NOTCH3: variants seen among roughly 807,000 people sequenced by gnomAD.
NOTCH3 encodes the protein notch receptor 3.
Under a neutral mutation model 213.3 loss-of-function variants are expected in NOTCH3, and 86 were observed. That is an observed-to-expected ratio of 0.40 (90% CI 0.34 to 0.48). The LOEUF is 0.48. Ranked by LOEUF, NOTCH3 falls within the 20% of genes least tolerant of loss-of-function variation. The pLI, the probability that NOTCH3 is intolerant of heterozygous loss-of-function variation, is 0.57. For missense variants in NOTCH3, 2,783 were observed against 3,272.6 expected (o/e 0.85, Z 3.65); for synonymous variants, 1,354 against 1,355.9 (o/e 1.00, Z 0.03).
In NOTCH3 at chr19:15,181,784, C is replaced by T. The variant is rs1490985215; in HGVS notation, c.2584G>A (p.Gly862Ser). Reference sequence around the variant, plus strand: ...GAGCCCACGCCGTCTTGGCACGAGCCACCGTTCAGGCATGGGTCTGCGGAC... The same window carrying T: ...GAGCCCACGCCGTCTTGGCACGAGCTACCGTTCAGGCATGGGTCTGCGGAC... ...DCDPNPCLNG[G>S]SCQDGVGSFS... The change falls in exon 17 of 33, where the codon GGC (glycine) becomes AGC (serine). Residue 862 changes from glycine (G) to serine (S), a missense_variant. This residue lies in a region of NOTCH3 where 861 missense variants were observed against 909.1 expected (regional missense o/e 0.95). Transcript: ENST00000263388. 2.6e-6 allele frequency: 4 copies of T among 1,561,096 alleles called. No individual in the cohort carries two copies. Among genetic ancestry groups the T allele is most frequent in the South Asian group, 2.4e-5 (2 of 84,780 alleles).
At position 15,161,384 on chromosome 19, in the gene NOTCH3, T is replaced by C; in HGVS notation, c.6244A>G (p.Lys2082Glu). ...LGPQGPRGRGKKLTLACPGPL... is the reference protein window; with the variant it reads ...LGPQGPRGRGEKLTLACPGPL... Reference sequence around the variant, plus strand: ...CCCGGGCAGGCCAGCGTCAGCTTCTTGCCCCGCCCCCGGGGCCCCTGCGGC... The same window carrying C: ...CCCGGGCAGGCCAGCGTCAGCTTCTCGCCCCGCCCCCGGGGCCCCTGCGGC... The change falls in exon 33 of 33, where the codon AAG (lysine) becomes GAG (glutamate). Residue 2082 changes from lysine (K) to glutamate (E), a missense_variant. Physicochemically the swap from Lys to Glu is moderately conservative, Grantham distance 56 (BLOSUM62 1). This residue lies in a region of NOTCH3 where 441 missense variants were observed against 432.1 expected (regional missense o/e 1.02). Coordinates refer to ENST00000263388, the MANE Select transcript of NOTCH3 (RefSeq NM_000435.3). 2 of 1,524,784 alleles carry C rather than the reference T, an allele frequency of 1.3e-6. No individual in the cohort carries two copies. Among genetic ancestry groups the C allele is most frequent in the Non-Finnish European group, 1.8e-6 (2 of 1,137,380 alleles). 94.5% of individuals were successfully genotyped at this position (1,524,784 alleles called of 1,614,324 possible). A position where few individuals can be genotyped will look rare whatever the true frequency, so the allele number is the denominator to read the frequency against.
chr19:15,183,381 C>T (rs1423069655), intron 16 of NOTCH3, among the ~76,000 whole-genome samples: 2 of 55,886 alleles, frequency 3.6e-5, no homozygotes, highest in Admixed American at 1.5e-4. Flanking sequence ...TGGCAGCACC[C>T]CTTTTTGTTT....
At chr19:15,186,652 G>A (rs1156756279) in intron 12 of NOTCH3, among the ~76,000 whole-genome samples, 1 of 152,192 alleles carries the variant, frequency 6.6e-6, no homozygotes, top group Non-Finnish European at 1.5e-5. Flanking sequence ...TGATCCACTT[G>A]CCTTGGCCTC....
At chr19:15,171,761 C>T (rs1470651783) in intron 25 of NOTCH3, among the ~76,000 whole-genome samples, 1 of 152,234 alleles carries the variant, frequency 6.6e-6, no homozygotes, top group African/African-American at 2.4e-5. Flanking sequence ...ACCTCCGACT[C>T]CCTGGTTCAA....
rs888087865 is a variant in NOTCH3, at chr19:15,170,235, T to C, written c.5115-65A>G. Reference sequence around the variant, plus strand: ...AGAGGTGTCCAGCTGGGAAGGAGGATTTGGGGTGGGGTCAGAGGTCTGAGT... The same window carrying C: ...AGAGGTGTCCAGCTGGGAAGGAGGACTTGGGGTGGGGTCAGAGGTCTGAGT... On this transcript the variant is annotated intron_variant, in intron 27 of 32. Coordinates refer to ENST00000263388, the MANE Select transcript of NOTCH3 (RefSeq NM_000435.3). 36 of 1,501,690 alleles carry C rather than the reference T, an allele frequency of 2.4e-5. No homozygotes were observed. The African/African-American group carries it at 4.7e-4, about 20-fold the overall frequency. The allele number at this position is 1,501,690 out of a possible 1,614,324, so 93.0% of individuals were successfully genotyped here.
In NOTCH3 at chr19:15,177,647, T is replaced by C. The variant is rs1451207981; in HGVS notation, c.4281A>G (p.Gln1427=). 6 of 1,565,702 alleles carry C rather than the reference T, an allele frequency of 3.8e-6. No individual in the cohort carries two copies. The highest frequency in any genetic ancestry group is 5.2e-6 in the Non-Finnish European group (6 of 1,161,902). The stretch of plus-strand genomic sequence containing the variant: ...GGCGCCAGCACTGCAGCGCCTCGCA[T>C]TGCCGCCAGGGGTCGCCCACGCTCA... ...CSLSVGDPWR[Q]CEALQCWRLF... The change falls in exon 24 of 33, where the codon CAA becomes CAG. Residue 1427 remains glutamine (Q), a synonymous_variant. Transcript: ENST00000263388.
chr19:15,182,985 G>T (rs1350031840), intron 16 of NOTCH3, among the ~76,000 whole-genome samples: 1 of 152,122 alleles, frequency 6.6e-6, no homozygotes, highest in African/African-American at 2.4e-5. Context: ...TATTAAATTT[G>T]GTCAGGCACA....
chr19:15,187,867 T>C lies in NOTCH3; in HGVS notation c.1606+14A>G, dbSNP rs1041526285. ...CCTCCTGATTCTTGTCGGACTGTCA[T>C]TGGCCCGCCTCACCCTCGGCACAGC... On this transcript the variant is annotated intron_variant, in intron 10 of 32. Coordinates refer to ENST00000263388, the MANE Select transcript of NOTCH3 (RefSeq NM_000435.3). 19 of 1,544,212 alleles carry C rather than the reference T, an allele frequency of 1.2e-5. No homozygotes were observed. The highest frequency in any genetic ancestry group is 7.3e-5 in the East Asian group (3 of 40,892).
chr19:15,180,591 T>A (rs2046830979), intron 19 of NOTCH3, 90 bp downstream of exon 19: 1 of 1,438,462 alleles, frequency 7.0e-7, no homozygotes, highest in South Asian at 1.2e-5. Context: ...ATAGGCTCTG[T>A]GGCACCCCCA....
chr19:15,190,413 G>A (rs527387142), intron 6 of NOTCH3, among the ~76,000 whole-genome samples: 4 of 152,010 alleles, frequency 2.6e-5, no homozygotes, highest in African/African-American at 9.7e-5. Context: ...CTATATCCAC[G>A]TTCCCCTCCT....
Position 15,184,037 on chromosome 19 carries a change from C to CAAAA in NOTCH3, c.2566+254_2566+257dup, listed in dbSNP as rs34518539. Among the ~76,000 whole-genome samples, 12 of 27,622 alleles carry CAAAA rather than the reference C, an allele frequency of 4.3e-4. 1 individual carries two copies. Among genetic ancestry groups the CAAAA allele is most frequent in the Non-Finnish European group, 6.6e-4 (8 of 12,084 alleles). The allele number at this position is 27,622 out of a possible 152,430, so 18.1% of individuals were successfully genotyped here. A position where few individuals can be genotyped will look rare whatever the true frequency, so the allele number is the denominator to read the frequency against. ...CAGCGACAGAGCTAAGACTCTGTCT[C>CAAAA]AAAAAAAAAAAAAAAAAAAAAAAAA... is the stretch of plus-strand genomic sequence containing the variant. On this transcript the variant is annotated intron_variant, in intron 16 of 32. Transcript: ENST00000263388.
rs2145424435 is a variant in NOTCH3, at chr19:15,181,766, C to T, written c.2602G>A (p.Val868Met). The change falls in exon 17 of 33, where the codon GTG becomes ATG. Residue 868 changes from valine (V) to methionine (M), a missense_variant. Val to Met is a conservative substitution (Grantham distance 21, BLOSUM62 1). Coordinates refer to ENST00000263388, the MANE Select transcript of NOTCH3 (RefSeq NM_000435.3). ...CLNGGSCQDGVGSFSCSCLPG... is the reference protein window; with the variant it reads ...CLNGGSCQDGMGSFSCSCLPG... The stretch of plus-strand genomic sequence containing the variant: ...AGGCAGGAGCAGGAAAAGGAGCCCA[C>T]GCCGTCTTGGCACGAGCCACCGTTC... The T allele has an allele frequency of 1.3e-6, 2 of 1,568,558 alleles. No individual in the cohort carries two copies. The highest frequency in any genetic ancestry group is 1.7e-6 in the Non-Finnish European group (2 of 1,156,352).
rs1170162607 is a variant in NOTCH3, at chr19:15,178,100, G to C, written c.3838-10C>G. On this transcript the variant is annotated splice_polypyrimidine_tract_variant and intron_variant, in intron 23 of 32. Transcript: ENST00000263388. ...GCGGACCCCAGAACGGCTGGGGGTC[G>C]GGTTTGGGGAGGGAGGGATAAAAAT... The C allele has an allele frequency of 2.6e-6, 4 of 1,514,772 alleles. No homozygotes were observed. The South Asian group carries it at 4.8e-5, about 18-fold the overall frequency. The allele number at this position is 1,514,772 out of a possible 1,614,324, so 93.8% of individuals were successfully genotyped here. A position where few individuals can be genotyped will look rare whatever the true frequency, so the allele number is the denominator to read the frequency against.
intron 1 of NOTCH3, 97 bp from the exon 2 acceptor site, chr19:15,197,675 T>C: frequency 1.0e-6 from 1 of 979,512 alleles, no homozygotes; most frequent in Non-Finnish European, 1.5e-6. Flanking sequence ...AGGCAACAGC[T>C]GCATGGGGAT....
intron 2 of NOTCH3, 56 bp downstream of exon 2, chr19:15,197,444 C>CCAA: frequency 1.5e-6 from 1 of 662,100 alleles, no homozygotes; most frequent in Non-Finnish European, 2.8e-6. Flanking sequence ...ACAAATCGCC[C>CCAA]CTCCCCCCCG....
At position 15,174,384 on chromosome 19, in the gene NOTCH3, ACTT is replaced by A; in HGVS notation, c.4417_4419del (p.Lys1473del). On this transcript the variant is annotated inframe_deletion, in exon 25 of 33. Transcript: ENST00000263388. ...CCGTCGGCAAAGTGGTCGGCGCAGTACTTCTCGTACACCGGGCTGGTGGGGAAG... is the reference window on the plus strand; with the variant it reads ...CCGTCGGCAAAGTGGTCGGCGCAGTACTCGTACACCGGGCTGGTGGGGAAG... 3 of 1,532,218 alleles carry A rather than the reference ACTT, an allele frequency of 2.0e-6. No homozygotes were observed. The highest frequency in any genetic ancestry group is 1.8e-6 in the Non-Finnish European group (2 of 1,134,544). 94.9% of individuals were successfully genotyped at this position (1,532,218 alleles called of 1,614,324 possible).
chr19:15,189,349 G>T lies in NOTCH3; in HGVS notation c.1116C>A (p.Asn372Lys). The T allele has an allele frequency of 6.2e-7, 1 of 1,613,968 alleles. No homozygotes were observed. Among genetic ancestry groups the T allele is most frequent in the Non-Finnish European group, 8.5e-7 (1 of 1,180,024 alleles). Residue 372 changes from asparagine (N) to lysine (K), a missense_variant, in exon 7 of 33, where the codon AAC (asparagine) becomes AAA (lysine). Transcript: ENST00000263388. ...EDAICDTNPVNGRAICTCPPG... is the reference protein window; with the variant it reads ...EDAICDTNPVKGRAICTCPPG... ...GAGGACAGGTGCAAATGGCCCGGCC[G>T]TTCACCGGATTTGTGTCACAGATAG... is the stretch of plus-strand genomic sequence containing the variant.
intron 31 of NOTCH3, among the ~76,000 whole-genome samples, chr19:15,163,405 G>T (rs1041785055): frequency 1.3e-5 from 2 of 152,124 alleles, no homozygotes; most frequent in African/African-American, 4.8e-5. Flanking sequence ...TCCAACTATA[G>T]AACTAAACAT....
At chr19:15,179,318 G>C in intron 21 of NOTCH3, 36 bp from the exon 22 acceptor site, 1 of 1,611,090 alleles carries the variant, frequency 6.2e-7, no homozygotes, top group Non-Finnish European at 8.5e-7. Flanking sequence ...AAGAGGGAAT[G>C]AAGACAGCCT....
Sources: gnomAD v4.1 joint callset for allele counts (sites outside exome capture counted in the v4.1 genomes callset) on GRCh38, gnomAD v4.1.1 for gene constraint, gnomAD v4.1.1 regional missense constraint, MANE v1.5 for transcripts, NCBI Gene and HGNC (gene_info 2026-07-23, HGNC 2026-07-21) for gene names.